The following DNAH14 variants were observed in gnomAD, a reference collection of about 807,000 sequenced individuals.
The protein encoded by DNAH14 is dynein axonemal heavy chain 14.
A neutral mutation model predicts 520.9 loss-of-function variants in DNAH14; 478 were observed. The observed-to-expected ratio is 0.92, with a 90% CI of 0.85 to 0.99. The LOEUF (loss-of-function observed/expected upper bound fraction) is 0.99. DNAH14 is among the 50% of genes least tolerant of loss of function. The pLI, the probability that DNAH14 is intolerant of heterozygous loss-of-function variation, is 0.00. For missense variants in DNAH14, 4,831 were observed against 5,234.5 expected, an observed-to-expected ratio of 0.92 and a Z score of 2.38; for synonymous variants, 1,581 against 1,757.2, an observed-to-expected ratio of 0.90 and a Z score of 2.51.
intron 49 of DNAH14, 113 bp downstream of exon 49, chr1:225,266,882 T>C (rs1486552978): frequency 9.6e-7 from 1 of 1,039,250 alleles, no homozygotes; most frequent in Non-Finnish European, 1.3e-6. Flanking sequence ...TCTGGCCATA[T>C]GGACATGTTA....
chr1:225,393,930 T>C (rs989355010), intron 84 of DNAH14, among the ~76,000 whole-genome samples: 1 of 151,740 alleles, frequency 6.6e-6, no homozygotes, highest in Non-Finnish European at 1.5e-5. Flanking sequence ...ACCATTCTCC[T>C]GCCTCAGCCT....
At chr1:225,217,575 G>A (rs2089542095) in intron 41 of DNAH14, among the ~76,000 whole-genome samples, 2 of 152,170 alleles carry the variant, frequency 1.3e-5, no homozygotes, top group South Asian at 4.1e-4. Context: ...AGGCCGCTTT[G>A]TTTACCTTTT....
intron 42 of DNAH14, among the ~76,000 whole-genome samples, chr1:225,233,635 G>GT (rs933552465): frequency 9.4e-4 from 142 of 150,908 alleles, no homozygotes; most frequent in African/African-American, 2.2e-3. Context: ...ATTTTTTAAT[G>GT]TTTTTTTTTC....
At chr1:225,087,353 A>G (rs2073934540) in intron 21 of DNAH14, among the ~76,000 whole-genome samples, 1 of 152,260 alleles carries the variant, frequency 6.6e-6, no homozygotes, top group Admixed American at 6.5e-5. Context: ...ATTAGGGCAG[A>G]GCCCTCATGA....
chr1:225,358,470 C>A (rs9659299), intron 73 of DNAH14, 26 bp from the exon 74 acceptor site: 2 of 1,479,298 alleles, frequency 1.4e-6, no homozygotes, highest in East Asian at 2.5e-5. Flanking sequence ...TTAATTTTAC[C>A]TTATCTTCCA....
intron 17 of DNAH14, among the ~76,000 whole-genome samples, chr1:225,058,749 T>G (rs1284272017): frequency 7.9e-5 from 12 of 152,212 alleles, no homozygotes; most frequent in African/African-American, 2.9e-4. Context: ...CTCGTTGGTT[T>G]CAAAGAACAT....
chr1:225,167,026 G>T (rs1303485237), intron 35 of DNAH14, among the ~76,000 whole-genome samples: 1 of 152,130 alleles, frequency 6.6e-6, no homozygotes, highest in African/African-American at 2.4e-5. Context: ...TTATATTCAG[G>T]TAGGTATCTA....
At chr1:225,042,633 G>A (rs2067585489) in intron 12 of DNAH14, among the ~76,000 whole-genome samples, 1 of 152,060 alleles carries the variant, frequency 6.6e-6, no homozygotes. Context: ...GTCTTTGGGG[G>A]GAACTCCTTC....
At chr1:225,314,588 C>T (rs1209698173) in intron 60 of DNAH14, among the ~76,000 whole-genome samples, 1 of 152,166 alleles carries the variant, frequency 6.6e-6, no homozygotes, top group African/African-American at 2.4e-5. Context: ...TTTTTCCCTT[C>T]CATATTTAGT....
chr1:225,378,610 G>T (rs111765292), intron 79 of DNAH14, among the ~76,000 whole-genome samples: 10 of 152,234 alleles, frequency 6.6e-5, no homozygotes, highest in African/African-American at 1.9e-4. Flanking sequence ...GGCCGGGCGC[G>T]GTGGGCTCAC....
rs1392832203 is a variant in DNAH14, at chr1:225,209,793, A to G, written c.6439+2573A>G. Among the ~76,000 whole-genome samples the G allele has an allele frequency of 7.9e-5, 12 of 152,236 alleles. No individual in the cohort carries two copies. In the South Asian group the frequency reaches 2.5e-3, roughly 32 times the overall value. Reference sequence around the variant, plus strand: ...TGGGTGATTTCTGCATTTCCAACTGAGGTACCCAGCTCATCTCAATAGGAC... The same window carrying G: ...TGGGTGATTTCTGCATTTCCAACTGGGGTACCCAGCTCATCTCAATAGGAC... On this transcript the variant is annotated intron_variant, in intron 41 of 85. Coordinates refer to ENST00000682510, the MANE Select transcript of DNAH14 (RefSeq NM_001367479.1).
At chr1:225,366,293 T>C (rs3856153) in intron 76 of DNAH14, among the ~76,000 whole-genome samples, 5,598 of 152,268 alleles carry the variant, frequency 0.037, 163 homozygotes, top group Non-Finnish European at 0.052. Context: ...TTTATAAATT[T>C]CATACAATTT....
At chr1:224,988,739 G>C (rs1401496634) in intron 8 of DNAH14, among the ~76,000 whole-genome samples, 1 of 152,198 alleles carries the variant, frequency 6.6e-6, no homozygotes, top group African/African-American at 2.4e-5. Context: ...TCAAGCTCCT[G>C]TATGCAAGCA....
At chr1:225,072,548 C>T (rs1477373938) in intron 17 of DNAH14, among the ~76,000 whole-genome samples, 1 of 152,216 alleles carries the variant, frequency 6.6e-6, no homozygotes, top group African/African-American at 2.4e-5. Flanking sequence ...ATCTCAGCCT[C>T]AGTCTGGTTC....
At chr1:225,251,087 C>A (rs1441893995) in intron 43 of DNAH14, among the ~76,000 whole-genome samples, 1 of 151,834 alleles carries the variant, frequency 6.6e-6, no homozygotes, top group Non-Finnish European at 1.5e-5. Flanking sequence ...ACCAACTGAA[C>A]ATTTATATGT....
intron 46 of DNAH14, among the ~76,000 whole-genome samples, chr1:225,261,203 C>A (rs963188138): frequency 6.6e-6 from 1 of 152,148 alleles, no homozygotes; most frequent in Non-Finnish European, 1.5e-5. Context: ...GAGTGGGTAT[C>A]CTTGTCTGGT....
intron 35 of DNAH14, among the ~76,000 whole-genome samples, chr1:225,161,899 G>C (rs1395190383): frequency 6.6e-6 from 1 of 152,106 alleles, no homozygotes; most frequent in Non-Finnish European, 1.5e-5. Context: ...ATATATTCTG[G>C]TTACTAATTC....
intron 8 of DNAH14, among the ~76,000 whole-genome samples, chr1:224,984,117 G>A (rs2062456995): frequency 6.6e-6 from 1 of 152,140 alleles, no homozygotes; most frequent in Admixed American, 6.5e-5. Context: ...AAATCTGGAG[G>A]CATCACACTG....
At chr1:225,261,373 C>T (rs115704155) in intron 46 of DNAH14, among the ~76,000 whole-genome samples, 124 of 152,138 alleles carry the variant, frequency 8.2e-4, no homozygotes, top group Non-Finnish European at 1.7e-3. Flanking sequence ...TCAAATGCTT[C>T]GTCTGTATTT....
Sources: gnomAD v4.1 joint callset for allele counts (sites outside exome capture counted in the v4.1 genomes callset) on GRCh38, gnomAD v4.1.1 for gene constraint, MANE v1.5 for transcripts, NCBI Gene and HGNC (gene_info 2026-07-23, HGNC 2026-07-21) for gene names.